CSF1R: variants seen among roughly 807,000 people sequenced by gnomAD.
The protein encoded by CSF1R is macrophage colony-stimulating factor 1 receptor.
CSF1R carries 40 observed loss-of-function variants against 110.0 expected under a neutral mutation model. The ratio of observed to expected loss-of-function variants is 0.36; its 90% confidence interval spans 0.28 to 0.47. The LOEUF (loss-of-function observed/expected upper bound fraction) is 0.47, where lower values mean the gene tolerates loss of function less well. Ranked by LOEUF, CSF1R falls within the 20% of genes least tolerant of loss-of-function variation. CSF1R has a pLI of 0.99. For missense variants in CSF1R, 1,052 were observed against 1,253.0 expected (o/e 0.84, Z 2.42); for synonymous variants, 523 against 503.4 (o/e 1.04, Z -0.52).
intron 1 of CSF1R, among the ~76,000 whole-genome samples, chr5:150,082,104 G>C (rs898976752): frequency 1.3e-5 from 2 of 152,342 alleles, no homozygotes; most frequent in African/African-American, 4.8e-5. Context: ...CCTCTCTCCA[G>C]GCAGGGAGAG....
intron 1 of CSF1R, among the ~76,000 whole-genome samples, chr5:150,101,246 G>C (rs1175569648): frequency 6.6e-6 from 1 of 152,186 alleles, no homozygotes; most frequent in Non-Finnish European, 1.5e-5. Flanking sequence ...ACATCACTAT[G>C]AGAAAGACGC....
intron 14 of CSF1R, among the ~76,000 whole-genome samples, chr5:150,058,424 G>A (rs1376114477): frequency 1.3e-5 from 2 of 152,164 alleles, no homozygotes; most frequent in Admixed American, 1.3e-4. Context: ...ATATTCTAGT[G>A]TTCCCAGAAG....
chr5:150,077,170 A>G, intron 5 of CSF1R, 106 bp downstream of exon 5: 1 of 1,431,376 alleles, frequency 7.0e-7, no homozygotes, highest in African/African-American at 1.4e-5. Flanking sequence ...CAGCAGAGAT[A>G]TCCTCAGCAG....
chr5:150,080,436 T>C lies in CSF1R; in HGVS notation c.308-100A>G, dbSNP rs933718686. Reference sequence around the variant, plus strand: ...AAGGAAGCTCAGAGAGGCTGATCATTCATCTGAGGTCACACCACGCCAGGA... The same window carrying C: ...AAGGAAGCTCAGAGAGGCTGATCATCCATCTGAGGTCACACCACGCCAGGA... On this transcript the variant is annotated intron_variant, in intron 2 of 20. Coordinates refer to ENST00000675795, the MANE Select transcript of CSF1R (RefSeq NM_001288705.3). 7 of 1,432,090 alleles carry C rather than the reference T, an allele frequency of 4.9e-6. No homozygotes were observed. The Admixed American group carries it at 8.3e-5, about 17-fold the overall frequency. The allele number at this position is 1,432,090 out of a possible 1,614,324, so 88.7% of individuals were successfully genotyped here. A position where few individuals can be genotyped will look rare whatever the true frequency, so the allele number is the denominator to read the frequency against.
chr5:150,068,278 G>A lies in CSF1R; in HGVS notation c.1563C>T (p.Ala521=), dbSNP rs1435129026. Residue 521 remains alanine, a synonymous_variant, in exon 10 of 21, where the codon GCC becomes GCT. Coordinates refer to ENST00000675795, the MANE Select transcript of CSF1R (RefSeq NM_001288705.3). ...DEFLFTPVVV[A]CMSIMALLLL... is the part of the protein sequence containing the mutation. The stretch of plus-strand genomic sequence containing the variant: ...GCAGCAAGGCCATGATGGACATGCA[G>A]GCGACCACCACTGGTGTGAAGAGGA... 2 of 1,613,008 alleles carry A rather than the reference G, an allele frequency of 1.2e-6. No homozygotes were observed. The highest frequency in any genetic ancestry group is 1.7e-5 in the Admixed American group (1 of 60,016).
In CSF1R at chr5:150,057,123, T is replaced by G. The variant is rs2163777; in HGVS notation, c.2319+164A>C. 0.083 allele frequency among the ~76,000 whole-genome samples: 12,602 copies of G among 151,958 alleles called. 688 individuals carry two copies. The highest frequency in any genetic ancestry group is 0.16 in the Middle Eastern group (46 of 294). On this transcript the variant is annotated intron_variant, in intron 16 of 20. Coordinates refer to ENST00000675795, the MANE Select transcript of CSF1R (RefSeq NM_001288705.3). ...AGAGCTCCAGCCCTGGGCACAGCTTTCTCCCACTCATCCTTGCAGCTGCTG... is the reference window on the plus strand; with the variant it reads ...AGAGCTCCAGCCCTGGGCACAGCTTGCTCCCACTCATCCTTGCAGCTGCTG...
chr5:150,091,852 CAAAAAAAAAA>C (rs57967086), intron 1 of CSF1R, among the ~76,000 whole-genome samples: 13 of 71,230 alleles, frequency 1.8e-4, no homozygotes, highest in African/African-American at 3.0e-4. Context: ...CCCATACTAC[CAAAAAAAAAA>C]AAAAAAAAAA....
At chr5:150,102,859 A>G (rs1328419846) in intron 1 of CSF1R, among the ~76,000 whole-genome samples, 4 of 152,328 alleles carry the variant, frequency 2.6e-5, no homozygotes, top group Non-Finnish European at 4.4e-5. Flanking sequence ...TCAGTTTGCC[A>G]CTTCTCTGCT....
intron 1 of CSF1R, among the ~76,000 whole-genome samples, chr5:150,083,230 C>T (rs552188587): frequency 2.0e-4 from 30 of 151,794 alleles, no homozygotes; most frequent in South Asian, 8.4e-4. Flanking sequence ...TTCTTCCCCC[C>T]TCTCATCTCC....
intron 10 of CSF1R, among the ~76,000 whole-genome samples, chr5:150,067,998 G>C (rs912053481): frequency 6.6e-6 from 1 of 152,118 alleles, no homozygotes; most frequent in Non-Finnish European, 1.5e-5. Context: ...TATTTGATTA[G>C]CACCTGTCTC....
At chr5:150,056,188 C>T (rs754928706) in intron 17 of CSF1R, 31 bp downstream of exon 17, 3 of 1,614,092 alleles carry the variant, frequency 1.9e-6, no homozygotes. Context: ...CACCCCCTCC[C>T]CAGCCTGGCC....
Position 150,057,236 on chromosome 5 carries a change from C to G in CSF1R, c.2319+51G>C, listed in dbSNP as rs145711151. 3.2e-6 allele frequency: 5 copies of G among 1,541,068 alleles called. No individual in the cohort carries two copies. The South Asian group carries it at 5.7e-5, about 17-fold the overall frequency. On this transcript the variant is annotated intron_variant, in intron 16 of 20. Coordinates refer to ENST00000675795, the MANE Select transcript of CSF1R (RefSeq NM_001288705.3). The stretch of plus-strand genomic sequence containing the variant: ...TCCCCATCGTCACTCATCCAGCCTC[C>G]CCGGAGCACAGACCTGGGTGGCTAT...
At chr5:150,055,381 T>G in intron 18 of CSF1R, 45 bp from the exon 19 acceptor site, 1 of 1,525,952 alleles carries the variant, frequency 6.6e-7, no homozygotes, top group African/African-American at 1.4e-5. Flanking sequence ...CATTGTCTTC[T>G]CCCCATTCCC....
At chr5:150,112,851 A>T (rs1759767294) in intron 1 of CSF1R, among the ~76,000 whole-genome samples, 1 of 152,110 alleles carries the variant, frequency 6.6e-6, no homozygotes, top group Admixed American at 6.5e-5. Context: ...AGACTCCTGG[A>T]GGCAGTCCAG....
At chr5:150,111,219 G>A (rs971285145) in intron 1 of CSF1R, among the ~76,000 whole-genome samples, 37 of 152,306 alleles carry the variant, frequency 2.4e-4, no homozygotes, top group East Asian at 1.2e-3. Context: ...TCAGGGCCCC[G>A]GCAGAAATAG....
intron 14 of CSF1R, among the ~76,000 whole-genome samples, chr5:150,057,958 G>A (rs541832213): frequency 2.3e-4 from 35 of 152,260 alleles, no homozygotes; most frequent in African/African-American, 7.9e-4. Flanking sequence ...GGCCCCTTGT[G>A]CCCTCTCTTC....
rs765232439 is a variant in CSF1R, at chr5:150,080,213, C to T, written c.431G>A (p.Arg144His). Reference sequence around the variant, plus strand: ...GGTGTGGCGCATGAGGGGCCGGCCACGCACACGCACCAGCGAGACGCCTGC... The same window carrying T: ...GGTGTGGCGCATGAGGGGCCGGCCATGCACACGCACCAGCGAGACGCCTGC... ...LEAGVSLVRV[R>H]GRPLMRHTNY... The change falls in exon 3 of 21, where the codon CGT becomes CAT. Residue 144 changes from arginine (R) to histidine (H), a missense_variant. Physicochemically the swap from Arg to His is conservative, Grantham distance 29 (BLOSUM62 0). This residue lies in a region of CSF1R where 693 missense variants were observed against 735.4 expected (regional missense o/e 0.94). Transcript: ENST00000675795. 126 of 1,613,604 alleles carry T rather than the reference C, an allele frequency of 7.8e-5. No individual in the cohort carries two copies. The highest frequency in any genetic ancestry group is 1.7e-4 in the Admixed American group (10 of 60,010).
intron 1 of CSF1R, among the ~76,000 whole-genome samples, chr5:150,110,633 T>C (rs1410942619): frequency 5.3e-5 from 8 of 152,236 alleles, no homozygotes; most frequent in Non-Finnish European, 1.0e-4. Flanking sequence ...TTGAAGATTA[T>C]AGCTATATTC....
chr5:150,103,653 C>T (rs1482519724), intron 1 of CSF1R, among the ~76,000 whole-genome samples: 1 of 152,190 alleles, frequency 6.6e-6, no homozygotes, highest in Non-Finnish European at 1.5e-5. Flanking sequence ...TCTGTGAGGC[C>T]TTCCAGAGCA....
Sources: gnomAD v4.1 joint callset for allele counts (sites outside exome capture counted in the v4.1 genomes callset) on GRCh38, gnomAD v4.1.1 for gene constraint, gnomAD v4.1.1 regional missense constraint, MANE v1.5 for transcripts, NCBI Gene and HGNC (gene_info 2026-07-23, HGNC 2026-07-21) for gene names.